Variants in LRMDA observed in about 807,000 individuals in gnomAD.
LRMDA encodes the protein leucine rich melanocyte differentiation associated.
LRMDA carries 18 observed loss-of-function variants against 29.8 expected under a neutral mutation model. The ratio of observed to expected loss-of-function variants is 0.60; its 90% confidence interval spans 0.42 to 0.90. The LOEUF (loss-of-function observed/expected upper bound fraction) is 0.90. Ranked by LOEUF, LRMDA falls within the 40% of genes least tolerant of loss-of-function variation. The pLI is 0.00. For synonymous variants in LRMDA, 125 were observed against 109.4 expected (o/e 1.14, Z -0.89); for missense variants, 273 against 273.9 (o/e 1.00, Z 0.02).
chr10:76,110,856 T>A (rs1354935756), intron 5 of LRMDA, among the ~76,000 whole-genome samples: 1 of 152,034 alleles, frequency 6.6e-6, no homozygotes, highest in Admixed American at 6.6e-5. Flanking sequence ...GACTAATACA[T>A]AGGGTAAAGA....
chr10:75,436,975 T>G (rs1844270327), intron 1 of LRMDA, among the ~76,000 whole-genome samples: 1 of 152,216 alleles, frequency 6.6e-6, no homozygotes, highest in African/African-American at 2.4e-5. Flanking sequence ...GTCCTTTATT[T>G]TTTAGCCTAT....
At chr10:76,150,570 C>A (rs1380439888) in intron 5 of LRMDA, among the ~76,000 whole-genome samples, 12 of 152,178 alleles carry the variant, frequency 7.9e-5, no homozygotes, top group Admixed American at 7.9e-4. Context: ...TAAATGAAGT[C>A]TTCACAACCT....
chr10:76,245,423 A>G (rs772092914), intron 5 of LRMDA, among the ~76,000 whole-genome samples: 60 of 152,136 alleles, frequency 3.9e-4, no homozygotes, highest in Non-Finnish European at 7.2e-4. Context: ...CCCTCTTCCC[A>G]TTGTCTGTTA....
Position 75,595,331 on chromosome 10 carries a change from A to C in LRMDA, c.131+156837A>C, listed in dbSNP as rs550956638. Among the ~76,000 whole-genome samples, 13 of 152,226 alleles carry C rather than the reference A, an allele frequency of 8.5e-5. No homozygotes were observed. The East Asian group carries it at 9.6e-4, about 11-fold the overall frequency. ...CAAACTGAGAAGGATAATAACAAGA[A>C]TGTTACCAGGTGGATCTCAGCTCAT... is the stretch of plus-strand genomic sequence containing the variant. On this transcript the variant is annotated intron_variant, in intron 2 of 6. Coordinates refer to ENST00000611255, the MANE Select transcript of LRMDA (RefSeq NM_001305581.2).
chr10:76,244,768 G>A (rs900452313), intron 5 of LRMDA, among the ~76,000 whole-genome samples: 13 of 152,152 alleles, frequency 8.5e-5, no homozygotes, highest in African/African-American at 2.2e-4. Context: ...CTAGAAAGTC[G>A]TGATTGATTA....
At chr10:75,604,823 C>A (rs1725646744) in intron 2 of LRMDA, among the ~76,000 whole-genome samples, 1 of 152,106 alleles carries the variant, frequency 6.6e-6, no homozygotes, top group Non-Finnish European at 1.5e-5. Flanking sequence ...CAGAGCTTGC[C>A]CACTTCAAAA....
At position 75,786,460 on chromosome 10, in the gene LRMDA, AC is replaced by A. The variant is rs530689428; in HGVS notation, c.132-249544del. Among the ~76,000 whole-genome samples the A allele has an allele frequency of 1.5e-4, 23 of 152,140 alleles. 1 individual carries two copies. The South Asian group carries it at 4.6e-3, about 30-fold the overall frequency. Reference sequence around the variant, plus strand: ...CTCATGACTGTCCAGTATTATCCTTACCCCTCTCTAGTTTTCTTCTCTTTAC... The same window carrying A: ...CTCATGACTGTCCAGTATTATCCTTACCCTCTCTAGTTTTCTTCTCTTTAC... On this transcript the variant is annotated intron_variant, in intron 2 of 6. Transcript: ENST00000611255.
intron 2 of LRMDA, among the ~76,000 whole-genome samples, chr10:76,007,585 C>A (rs1847694220): frequency 6.6e-6 from 1 of 152,178 alleles, no homozygotes; most frequent in Admixed American, 6.5e-5. Context: ...CAGGGTGAGA[C>A]GATAGAGTGG....
chr10:76,230,213 C>T (rs1300950843), intron 5 of LRMDA, among the ~76,000 whole-genome samples: 1 of 152,092 alleles, frequency 6.6e-6, no homozygotes, highest in Non-Finnish European at 1.5e-5. Context: ...CCTTTCAAAA[C>T]AGATTAAATG....
At position 76,530,123 on chromosome 10, in the gene LRMDA, C is replaced by T. The variant is rs540507440; in HGVS notation, c.602-27086C>T. Among the ~76,000 whole-genome samples the T allele has an allele frequency of 3.3e-5, 5 of 152,230 alleles. No homozygotes were observed. In the East Asian group the frequency reaches 9.7e-4, roughly 29 times the overall value. On this transcript the variant is annotated intron_variant, in intron 6 of 6. Transcript: ENST00000611255. ...ATGGATAGGCTCCCAAAACAGAAAG[C>T]ATGGACATGCCATTTAAAGGTCCCA...
At chr10:75,933,985 T>C (rs1014651395) in intron 2 of LRMDA, among the ~76,000 whole-genome samples, 3 of 152,092 alleles carry the variant, frequency 2.0e-5, no homozygotes, top group African/African-American at 7.2e-5. Context: ...CATCAGGAAA[T>C]GTCTTGGGGT....
intron 2 of LRMDA, among the ~76,000 whole-genome samples, chr10:76,007,262 C>G (rs908408415): frequency 6.6e-6 from 1 of 151,938 alleles, no homozygotes; most frequent in African/African-American, 2.4e-5. Flanking sequence ...CTTGGCCCCT[C>G]TCTGCCCACC....
intron 2 of LRMDA, among the ~76,000 whole-genome samples, chr10:75,929,564 A>G (rs1419520799): frequency 6.6e-6 from 1 of 152,098 alleles, no homozygotes; most frequent in Non-Finnish European, 1.5e-5. Context: ...ATCATACTGT[A>G]TTAGGTATTT....
intron 2 of LRMDA, among the ~76,000 whole-genome samples, chr10:75,452,423 T>C (rs1473500804): frequency 6.6e-6 from 1 of 152,148 alleles, no homozygotes; most frequent in African/African-American, 2.4e-5. Flanking sequence ...CATAGCCTTG[T>C]TTTTTCTTGC....
chr10:75,760,710 G>A (rs1391724893), intron 2 of LRMDA, among the ~76,000 whole-genome samples: 2 of 152,140 alleles, frequency 1.3e-5, no homozygotes, highest in African/African-American at 4.8e-5. Flanking sequence ...GAAGGATGAG[G>A]GCAGTGGATG....
intron 6 of LRMDA, among the ~76,000 whole-genome samples, chr10:76,486,231 C>A (rs1272616865): frequency 6.6e-6 from 1 of 151,928 alleles, no homozygotes; most frequent in Non-Finnish European, 1.5e-5. Flanking sequence ...CAGTGATATC[C>A]ATACCGCAAG....
intron 2 of LRMDA, among the ~76,000 whole-genome samples, chr10:75,525,011 A>G (rs1307870064): frequency 6.6e-6 from 1 of 152,320 alleles, no homozygotes; most frequent in African/African-American, 2.4e-5. Context: ...CCAAAACCCA[A>G]CATACATTTG....
At chr10:76,045,204 C>T (rs750649458) in intron 3 of LRMDA, among the ~76,000 whole-genome samples, 4 of 150,386 alleles carry the variant, frequency 2.7e-5, no homozygotes, top group African/African-American at 4.9e-5. Flanking sequence ...TTGCTAGTTT[C>T]GCCCTCTGGT....
rs760225902 is a variant in LRMDA, at chr10:75,940,338, G to A, written c.132-95670G>A. Among the ~76,000 whole-genome samples, 9 of 152,080 alleles carry A rather than the reference G, an allele frequency of 5.9e-5. No homozygotes were observed. In the East Asian group the frequency reaches 1.5e-3, roughly 26 times the overall value. On this transcript the variant is annotated intron_variant, in intron 2 of 6. Transcript: ENST00000611255. ...TCCTCATACTACACACCTGGCATCT[G>A]GAGCCACCTGTCCCCTCATGCATCT...
Sources: allele counts gnomAD v4.1 joint callset (sites outside exome capture counted in the v4.1 genomes callset), GRCh38; gene constraint gnomAD v4.1.1; transcripts MANE v1.5; gene names NCBI Gene and HGNC (gene_info 2026-07-23, HGNC 2026-07-21).